Variants in TMTC2 observed in about 807,000 individuals in gnomAD.
TMTC2 encodes the protein transmembrane O-mannosyltransferase targeting cadherins 2, also known as protein O-mannosyl-transferase TMTC2.
In TMTC2, 43 loss-of-function variants were observed where a neutral mutation model predicts 82.4. The ratio of observed to expected loss-of-function variants is 0.52; its 90% CI spans 0.41 to 0.67. The LOEUF is 0.67. TMTC2 is among the 30% of genes least tolerant of loss of function. TMTC2 has a pLI of 0.00. For missense variants in TMTC2, 919 were observed against 1,012.4 expected, an observed-to-expected ratio of 0.91 and a Z score of 1.25; for synonymous variants, 408 against 381.9, an observed-to-expected ratio of 1.07 and a Z score of -0.80.
At chr12:83,056,899 T>C (rs1383917741) in intron 10 of TMTC2, among the ~76,000 whole-genome samples, 1 of 151,832 alleles carries the variant, frequency 6.6e-6, no homozygotes, top group Non-Finnish European at 1.5e-5. Context: ...ACCTGGGGAA[T>C]GTTGTTAAAA....
intron 4 of TMTC2, among the ~76,000 whole-genome samples, chr12:82,945,067 C>G (rs1170124997): frequency 2.0e-5 from 3 of 152,176 alleles, no homozygotes; most frequent in African/African-American, 7.2e-5. Context: ...ATTTCACACT[C>G]ATTCCTCTTA....
chr12:82,913,205 A>AT (rs1441061067), intron 3 of TMTC2, among the ~76,000 whole-genome samples: 1 of 152,084 alleles, frequency 6.6e-6, no homozygotes, highest in Non-Finnish European at 1.5e-5. Context: ...TAGCACAATG[A>AT]TTTTGAGATA....
chr12:83,036,546 A>G (rs977983797), intron 9 of TMTC2, among the ~76,000 whole-genome samples: 2 of 147,294 alleles, frequency 1.4e-5, no homozygotes, highest in African/African-American at 5.0e-5. Context: ...ATTACATTTG[A>G]CTGAGAAAAT....
chr12:82,949,126 G>A (rs940729559), intron 4 of TMTC2, among the ~76,000 whole-genome samples: 11 of 152,310 alleles, frequency 7.2e-5, no homozygotes, highest in African/African-American at 2.4e-4. Flanking sequence ...TTGTATTCCA[G>A]CGTAGGAGTT....
intron 7 of TMTC2, among the ~76,000 whole-genome samples, chr12:82,980,771 C>T (rs1463737940): frequency 6.6e-6 from 1 of 151,884 alleles, no homozygotes; most frequent in African/African-American, 2.4e-5. Flanking sequence ...GTCACGTACG[C>T]ATCACTCTAT....
At chr12:83,046,121 AT>A (rs1882117474) in intron 9 of TMTC2, among the ~76,000 whole-genome samples, 1 of 152,114 alleles carries the variant, frequency 6.6e-6, no homozygotes, top group Non-Finnish European at 1.5e-5. Flanking sequence ...CTTCTGCCTT[AT>A]CCCCCTCTGT....
chr12:82,846,430 C>T (rs1374788079), intron 1 of TMTC2, among the ~76,000 whole-genome samples: 2 of 151,954 alleles, frequency 1.3e-5, no homozygotes, highest in African/African-American at 4.8e-5. Context: ...AAGGAGCTTC[C>T]TCATCATCCA....
At chr12:83,056,317 G>A (rs1882540646) in intron 10 of TMTC2, among the ~76,000 whole-genome samples, 1 of 151,754 alleles carries the variant, frequency 6.6e-6, no homozygotes, top group Non-Finnish European at 1.5e-5. Context: ...GCCTAAGGGT[G>A]GAAACTATCA....
At chr12:82,812,449 G>A (rs1868451318) in intron 1 of TMTC2, among the ~76,000 whole-genome samples, 2 of 152,106 alleles carry the variant, frequency 1.3e-5, no homozygotes, top group African/African-American at 2.4e-5. Flanking sequence ...GTAATGGAAA[G>A]CATCAACTGA....
intron 1 of TMTC2, among the ~76,000 whole-genome samples, chr12:82,706,784 G>T (rs967317100): frequency 6.6e-6 from 1 of 152,122 alleles, no homozygotes; most frequent in Non-Finnish European, 1.5e-5. Context: ...TCAGATTTCT[G>T]TTGGACAAGT....
intron 2 of TMTC2, among the ~76,000 whole-genome samples, chr12:82,858,388 G>A (rs777625645): frequency 1.3e-5 from 2 of 152,160 alleles, no homozygotes; most frequent in Non-Finnish European, 2.9e-5. Flanking sequence ...TAAACTCACC[G>A]TTGCTTTGAC....
intron 8 of TMTC2, among the ~76,000 whole-genome samples, chr12:83,009,269 C>CT (rs968839448): frequency 6.6e-6 from 1 of 152,024 alleles, no homozygotes; most frequent in Non-Finnish European, 1.5e-5. Context: ...AGTGGGGGAT[C>CT]TTTTTTTGTT....
At chr12:82,781,029 G>A (rs192270358) in intron 1 of TMTC2, among the ~76,000 whole-genome samples, 1 of 152,038 alleles carries the variant, frequency 6.6e-6, no homozygotes, top group Admixed American at 6.6e-5. Flanking sequence ...TTGGAAAAAT[G>A]TTGCTTTTGC....
At chr12:83,084,324 CT>C (rs948924428) in intron 11 of TMTC2, among the ~76,000 whole-genome samples, 9 of 152,048 alleles carry the variant, frequency 5.9e-5, no homozygotes, top group African/African-American at 2.2e-4. Context: ...TTTGCTTGGC[CT>C]AATGGCATAC....
rs753574256 is a variant in TMTC2, at chr12:83,082,388, T to A, written c.2331+20557T>A. ...CCTTAAGGAAGGACCATGGGATTAA[T>A]CCATACAAAACATTATGATACACAC... is the stretch of plus-strand genomic sequence containing the variant. On this transcript the variant is annotated intron_variant, in intron 11 of 11. Transcript: ENST00000321196. 2.0e-5 allele frequency among the ~76,000 whole-genome samples: 3 copies of A among 152,262 alleles called. No homozygotes were observed. In the East Asian group the frequency reaches 5.8e-4, roughly 29 times the overall value.
chr12:82,793,025 T>G (rs184603699), intron 1 of TMTC2, among the ~76,000 whole-genome samples: 269 of 152,246 alleles, frequency 1.8e-3, no homozygotes, highest in African/African-American at 6.4e-3. Flanking sequence ...GCTATATTTT[T>G]ATGTTTACTT....
chr12:82,931,608 C>T (rs1226707276), intron 4 of TMTC2, among the ~76,000 whole-genome samples: 1 of 152,066 alleles, frequency 6.6e-6, no homozygotes, highest in Non-Finnish European at 1.5e-5. Flanking sequence ...ACTGGAAATT[C>T]CTGGGTTGAC....
chr12:83,064,674 T>A (rs762289470), intron 11 of TMTC2, among the ~76,000 whole-genome samples: 13 of 151,854 alleles, frequency 8.6e-5, no homozygotes, highest in Admixed American at 4.6e-4. Flanking sequence ...AGCCCAACCC[T>A]GCTTAGCTTC....
chr12:82,783,193 C>G (rs538458435), intron 1 of TMTC2, among the ~76,000 whole-genome samples: 3 of 151,828 alleles, frequency 2.0e-5, no homozygotes, highest in Non-Finnish European at 4.4e-5. Flanking sequence ...GTCCTTAGAA[C>G]AATTCATAGT....
Sources: gnomAD v4.1 joint callset for allele counts (sites outside exome capture counted in the v4.1 genomes callset) on GRCh38, gnomAD v4.1.1 for gene constraint, MANE v1.5 for transcripts, NCBI Gene and HGNC (gene_info 2026-07-23, HGNC 2026-07-21) for gene names.